The following PEPD variants were observed in gnomAD, a reference collection of about 807,000 sequenced individuals.
The protein encoded by PEPD is xaa-Pro dipeptidase.
A neutral mutation model predicts 60.7 loss-of-function variants in PEPD; 53 were observed. The observed-to-expected ratio is 0.87, with a 90% confidence interval of 0.70 to 1.10. PEPD has a LOEUF of 1.10. Among genes scored for constraint, PEPD ranks in the 50% least tolerant of loss-of-function variants. The pLI, the probability that PEPD is intolerant of heterozygous loss-of-function variation, is 0.00. For missense variants in PEPD, 711 were observed against 711.9 expected (o/e 1.00, Z 0.01); for synonymous variants, 267 against 284.1 (o/e 0.94, Z 0.60).
chr19:33,520,413 CA>C (rs1259555030), intron 1 of PEPD, among the ~76,000 whole-genome samples: 2 of 152,200 alleles, frequency 1.3e-5, no homozygotes, highest in East Asian at 1.9e-4. Context: ...AGGACTAGCA[CA>C]AAAGTCACCC....
chr19:33,389,981 CA>C (rs1360972811), intron 13 of PEPD, among the ~76,000 whole-genome samples: 1 of 152,254 alleles, frequency 6.6e-6, no homozygotes, highest in Non-Finnish European at 1.5e-5. Context: ...GCGCAGCCTT[CA>C]GGGGTGGGGA....
chr19:33,472,803 T>C lies in PEPD; in HGVS notation c.548+5243A>G, dbSNP rs572303784. 3.9e-5 allele frequency among the ~76,000 whole-genome samples: 6 copies of C among 152,176 alleles called. No individual in the cohort carries two copies. The South Asian group carries it at 1.2e-3, about 32-fold the overall frequency. On this transcript the variant is annotated intron_variant, in intron 7 of 14. Transcript: ENST00000244137. ...GAATTCCATCTCTCCTGGAGATGGA[T>C]GTGCAGGGAATGATTCTATTGGAGC...
At chr19:33,416,190 T>G (rs1568460320) in intron 9 of PEPD, among the ~76,000 whole-genome samples, 1 of 152,184 alleles carries the variant, frequency 6.6e-6, no homozygotes, top group Non-Finnish European at 1.5e-5. Flanking sequence ...GGGCCAGAGC[T>G]TGGCGAGTGG....
intron 7 of PEPD, among the ~76,000 whole-genome samples, chr19:33,476,921 C>T (rs1396454454): frequency 6.6e-6 from 1 of 152,182 alleles, no homozygotes; most frequent in Non-Finnish European, 1.5e-5. Flanking sequence ...CCTCGGCCTC[C>T]CAAAGTGCTG....
chr19:33,464,188 G>A, intron 7 of PEPD, 126 bp from the exon 8 acceptor site: 1 of 731,598 alleles, frequency 1.4e-6, no homozygotes, highest in South Asian at 1.5e-5. Flanking sequence ...TGCAAGGCCA[G>A]AGTGGGGCCA....
rs553916795 is a variant in PEPD, at chr19:33,517,859, C to T, written c.17+3885G>A. Among the ~76,000 whole-genome samples, 10 of 150,584 alleles carry T rather than the reference C, an allele frequency of 6.6e-5. No individual in the cohort carries two copies. In the East Asian group the frequency reaches 1.2e-3, roughly 18 times the overall value. On this transcript the variant is annotated intron_variant, in intron 1 of 14. Transcript: ENST00000244137. Reference sequence around the variant, plus strand: ...GTGGGCACCTGTAATCCCAGCTACTCGGGAGGCTGAGGCAGGAGAACCACT... The same window carrying T: ...GTGGGCACCTGTAATCCCAGCTACTTGGGAGGCTGAGGCAGGAGAACCACT...
Position 33,391,443 on chromosome 19 carries a change from C to T in PEPD, c.1004G>A (p.Arg335His), listed in dbSNP as rs766496514. 7.5e-5 allele frequency: 117 copies of T among 1,558,110 alleles called. 3 individuals are homozygous for T. In the South Asian group the frequency reaches 1.0e-3, roughly 13 times the overall value. The change falls in exon 13 of 15, where the codon CGC becomes CAC. Residue 335 changes from arginine to histidine, a missense_variant. Transcript: ENST00000244137. ...WWPDMHRLAD[R>H]IHLEELAHMG... ...GTGGGCCAGCTCCTCCAGGTGGATGCGGTCAGCCAGGCGGTGCATGTCAGG... is the reference window on the plus strand; with the variant it reads ...GTGGGCCAGCTCCTCCAGGTGGATGTGGTCAGCCAGGCGGTGCATGTCAGG...
chr19:33,424,088 G>A (rs945288079), intron 9 of PEPD, among the ~76,000 whole-genome samples: 4 of 152,194 alleles, frequency 2.6e-5, no homozygotes, highest in African/African-American at 4.8e-5. Flanking sequence ...TGGGGGCTGC[G>A]CCTGTCACCT....
chr19:33,486,982 G>C (rs1343197268), intron 6 of PEPD: 2 of 152,402 alleles, frequency 1.3e-5, no homozygotes, highest in Non-Finnish European at 2.9e-5. Context: ...GGTCAAAAAG[G>C]ACAATGCCGG....
At chr19:33,512,562 T>C (rs369049508) in intron 2 of PEPD, 31 bp downstream of exon 2, 1 of 1,606,360 alleles carries the variant, frequency 6.2e-7, no homozygotes. Context: ...ATCACACACC[T>C]GCTCACTTGT....
chr19:33,418,212 C>A (rs1445341078), intron 9 of PEPD, among the ~76,000 whole-genome samples: 1 of 152,202 alleles, frequency 6.6e-6, no homozygotes, highest in Non-Finnish European at 1.5e-5. Flanking sequence ...GCTTATAATT[C>A]ACATTTATTT....
intron 9 of PEPD, among the ~76,000 whole-genome samples, chr19:33,438,092 C>T (rs1969413965): frequency 6.6e-6 from 1 of 152,248 alleles, no homozygotes; most frequent in Admixed American, 6.5e-5. Flanking sequence ...CCTCCAATCA[C>T]ACCAGCTGGC....
intron 9 of PEPD, among the ~76,000 whole-genome samples, chr19:33,461,011 T>C (rs1183798388): frequency 6.6e-6 from 1 of 152,086 alleles, no homozygotes; most frequent in African/African-American, 2.4e-5. Flanking sequence ...GATCCTGACT[T>C]GAACAAACCA....
At chr19:33,398,305 C>CA (rs1340919125) in intron 12 of PEPD, among the ~76,000 whole-genome samples, 1 of 152,248 alleles carries the variant, frequency 6.6e-6, no homozygotes, top group East Asian at 1.9e-4. Context: ...CTGGGAGGCT[C>CA]AGCCCCTTGC....
At chr19:33,431,126 G>A (rs1212677947) in intron 9 of PEPD, among the ~76,000 whole-genome samples, 1 of 142,196 alleles carries the variant, frequency 7.0e-6, no homozygotes. Flanking sequence ...GAGGAAGGGA[G>A]AGAGGAACAG....
chr19:33,482,629 T>G (rs1028045928), intron 6 of PEPD, among the ~76,000 whole-genome samples: 6 of 152,132 alleles, frequency 3.9e-5, no homozygotes, highest in African/African-American at 1.4e-4. Context: ...ATGAAAGGCA[T>G]CCAGACGACC....
At chr19:33,471,251 C>T (rs1970114842) in intron 7 of PEPD, among the ~76,000 whole-genome samples, 1 of 152,174 alleles carries the variant, frequency 6.6e-6, no homozygotes, top group Admixed American at 6.5e-5. Flanking sequence ...TGTGTGCTGG[C>T]TTAACCAATT....
chr19:33,494,127 C>T (rs964405117), intron 4 of PEPD, among the ~76,000 whole-genome samples: 3 of 152,120 alleles, frequency 2.0e-5, no homozygotes, highest in South Asian at 2.1e-4. Context: ...CTGCTGGGAG[C>T]AATTTCTTCC....
intron 12 of PEPD, among the ~76,000 whole-genome samples, chr19:33,398,506 G>T (rs899011822): frequency 6.6e-6 from 1 of 152,198 alleles, no homozygotes; most frequent in Non-Finnish European, 1.5e-5. Context: ...GGCTGTGCCC[G>T]GCGGAGGGCT....
Sources: allele counts gnomAD v4.1 joint callset (sites outside exome capture counted in the v4.1 genomes callset), GRCh38; gene constraint gnomAD v4.1.1; transcripts MANE v1.5; gene names NCBI Gene and HGNC (gene_info 2026-07-23, HGNC 2026-07-21).